The following ZNF335 variants were observed in gnomAD, a reference collection of about 807,000 sequenced individuals.
The protein encoded by ZNF335 is zinc finger protein 335, also known as NRC-interacting factor 1.
Under a neutral mutation model 145.6 loss-of-function variants are expected in ZNF335, and 84 were observed. The observed-to-expected ratio is 0.58, with a 90% confidence interval of 0.48 to 0.69. The LOEUF (loss-of-function observed/expected upper bound fraction) is 0.69. Ranked by LOEUF, ZNF335 falls within the 30% of genes least tolerant of loss-of-function variation. The pLI is 0.00. For synonymous variants in ZNF335, 761 were observed against 717.0 expected (o/e 1.06, Z -0.98); for missense variants, 1,865 against 1,809.7 (o/e 1.03, Z -0.55).
chr20:45,959,945 T>G (rs1229773392), intron 14 of ZNF335, among the ~76,000 whole-genome samples: 3 of 152,216 alleles, frequency 2.0e-5, no homozygotes, highest in Admixed American at 1.3e-4. Flanking sequence ...GGCACTCTGA[T>G]TCCCCCATTT....
Position 45,957,945 on chromosome 20 carries a change from T to C in ZNF335, c.2254-17A>G, listed in dbSNP as rs889861345. ...TGGGGGTATCTATGGGGTGGAGATA[T>C]GGCCACGCCTGAGAGGGGCCAGCCC... is the stretch of plus-strand genomic sequence containing the variant. On this transcript the variant is annotated splice_polypyrimidine_tract_variant and intron_variant, in intron 15 of 27. Transcript: ENST00000322927. 3 of 1,610,598 alleles carry C rather than the reference T, an allele frequency of 1.9e-6. No individual in the cohort carries two copies. The highest frequency in any genetic ancestry group is 2.2e-5 in the East Asian group (1 of 44,882).
chr20:45,961,739 G>A (rs937525312), intron 10 of ZNF335: 1 of 233,514 alleles, frequency 4.3e-6, no homozygotes. Flanking sequence ...AGATGAGTAG[G>A]ATCTGGAGTC....
At chr20:45,964,019 A>G in intron 7 of ZNF335, 29 bp from the exon 8 acceptor site, 1 of 1,512,822 alleles carries the variant, frequency 6.6e-7, no homozygotes, top group Non-Finnish European at 8.8e-7. Flanking sequence ...GTCACAAGCC[A>G]GCCACTGACA....
In ZNF335 at chr20:45,967,907, C is replaced by G. The variant is rs1482803843; in HGVS notation, c.641G>C (p.Ser214Thr). 4.3e-6 allele frequency: 7 copies of G among 1,612,516 alleles called. No homozygotes were observed. In the South Asian group the frequency reaches 5.5e-5, roughly 13 times the overall value. The change falls in exon 5 of 28, where the codon AGC (serine) becomes ACC (threonine). Residue 214 changes from serine to threonine, a missense_variant. Ser to Thr is a moderately conservative substitution (Grantham distance 58). Coordinates refer to ENST00000322927, the MANE Select transcript of ZNF335 (RefSeq NM_022095.4). ...GGCTGGGGGCAGCTGCACCGGGGAG[C>G]TGGGCCCACCCTGTGCCTCCAGGCA... ...STCLEAQGGPSSPVQLPPASG... is the reference protein window; with the variant it reads ...STCLEAQGGPTSPVQLPPASG...
At chr20:45,960,421 G>A (rs377643713) in intron 13 of ZNF335, 28 bp downstream of exon 13, 95 of 1,614,122 alleles carry the variant, frequency 5.9e-5, no homozygotes, top group African/African-American at 6.7e-5. Context: ...GACTGCTCCC[G>A]TCCCCAGGGG....
intron 9 of ZNF335, among the ~76,000 whole-genome samples, chr20:45,962,408 T>C (rs1175630216): frequency 6.6e-6 from 1 of 152,140 alleles, no homozygotes; most frequent in Non-Finnish European, 1.5e-5. Flanking sequence ...GCTCACAACT[T>C]GACAAAGAAG....
intron 10 of ZNF335, chr20:45,961,481 C>T (rs1392663747): frequency 7.0e-6 from 1 of 143,764 alleles, no homozygotes; most frequent in African/African-American, 2.7e-5. Context: ...TACTTAGCCA[C>T]AGAACCTTTT....
chr20:45,956,657 G>A (rs1193646613), intron 17 of ZNF335, among the ~76,000 whole-genome samples: 1 of 151,896 alleles, frequency 6.6e-6, no homozygotes, highest in Non-Finnish European at 1.5e-5. Context: ...ACATATTTGG[G>A]AATCTAGTAT....
Position 45,950,042 on chromosome 20 carries a change from A to AGGACCCC in ZNF335, c.3508_3514dup (p.Leu1172ArgfsTer77), listed in dbSNP as rs2083600721. ...TGCCTGCTGTAGCCGCTCTGGGCCCAGGACCCCGTGACTGGACTGGAGTGC... is the reference window on the plus strand; with the variant it reads ...TGCCTGCTGTAGCCGCTCTGGGCCCAGGACCCCGGACCCCGTGACTGGACTGGAGTGC... On this transcript the variant is annotated frameshift_variant, in exon 23 of 28. Transcript: ENST00000322927. LOFTEE classifies it high-confidence loss of function. The AGGACCCC allele has an allele frequency of 1.2e-6, 2 of 1,613,860 alleles. No homozygotes were observed. Among genetic ancestry groups the AGGACCCC allele is most frequent in the African/African-American group, 2.7e-5 (2 of 74,910 alleles).
intron 10 of ZNF335, chr20:45,961,469 C>T (rs1600536470): frequency 6.8e-6 from 1 of 147,716 alleles, no homozygotes; most frequent in Middle Eastern, 3.5e-3. Context: ...CTACACTAAT[C>T]TTACTTAGCC....
chr20:45,949,056 T>G lies in ZNF335; in HGVS notation c.3926A>C (p.Gln1309Pro). The G allele has an allele frequency of 6.2e-7, 1 of 1,613,750 alleles. No homozygotes were observed. Among genetic ancestry groups the G allele is most frequent in the South Asian group, 1.1e-5 (1 of 91,074 alleles). ...VTAVADAAMA[Q>P]AQGLFGTDET... ...GTCTGTACCAAACAGGCCCTGGGCT[T>G]GGGCCATGGCAGCATCAGCCACTGC... is the stretch of plus-strand genomic sequence containing the variant. The change falls in exon 28 of 28, where the codon CAA (glutamine) becomes CCA (proline). Residue 1309 changes from glutamine to proline, a missense_variant. Physicochemically the swap from Gln to Pro is moderately conservative, Grantham distance 76. Coordinates refer to ENST00000322927, the MANE Select transcript of ZNF335 (RefSeq NM_022095.4).
At chr20:45,968,096 C>A (rs1189964092) in intron 4 of ZNF335, 69 bp from the exon 5 acceptor site, 1 of 1,592,082 alleles carries the variant, frequency 6.3e-7, no homozygotes, top group African/African-American at 1.3e-5. Flanking sequence ...CTATAGCTAC[C>A]CCTCCCAGGC....
At chr20:45,962,798 AC>A (rs2083868708) in intron 9 of ZNF335, among the ~76,000 whole-genome samples, 1 of 141,922 alleles carries the variant, frequency 7.0e-6, no homozygotes, top group Non-Finnish European at 1.5e-5. Context: ...AGAAAAAGGA[AC>A]CGTTTTTTTT....
At chr20:45,956,678 C>T (rs2083734569) in intron 17 of ZNF335, among the ~76,000 whole-genome samples, 1 of 151,560 alleles carries the variant, frequency 6.6e-6, no homozygotes, top group South Asian at 2.1e-4. Context: ...ATGAGGAGGA[C>T]ACTTCAAACC....
chr20:45,970,967 G>A (rs1346072528), intron 2 of ZNF335, among the ~76,000 whole-genome samples: 1 of 152,074 alleles, frequency 6.6e-6, no homozygotes, highest in Non-Finnish European at 1.5e-5. Context: ...TTGAATCCTG[G>A]CTCTGTCTGC....
intron 3 of ZNF335, 133 bp downstream of exon 3, chr20:45,969,318 C>G: frequency 2.6e-6 from 3 of 1,162,036 alleles, no homozygotes; most frequent in Non-Finnish European, 3.3e-6. Flanking sequence ...CACCATGAGA[C>G]AGGGGTGACT....
intron 1 of ZNF335, chr20:45,971,705 G>T: frequency 1.0e-6 from 1 of 985,432 alleles, no homozygotes; most frequent in Non-Finnish European, 1.2e-6. Flanking sequence ...CCTTTCCCTC[G>T]CCCCCACGAT....
In ZNF335 at chr20:45,963,946, G is replaced by A; in HGVS notation, c.1147C>T (p.Pro383Ser). Residue 383 changes from proline (P) to serine (S), a missense_variant, in exon 8 of 28, where the codon CCT (proline) becomes TCT (serine). Physicochemically the swap from Pro to Ser is moderately conservative, Grantham distance 74. Coordinates refer to ENST00000322927, the MANE Select transcript of ZNF335 (RefSeq NM_022095.4). ...PLVSSQSGQS[P>S]PEPQDPEAPS... ...GCCTCGGGATCCTGTGGCTCTGGAG[G>A]GCTCTGTCCACTCTGGGAACTCACT... 3.2e-6 allele frequency: 5 copies of A among 1,544,248 alleles called. No homozygotes were observed. Among genetic ancestry groups the A allele is most frequent in the Non-Finnish European group, 3.5e-6 (4 of 1,146,896 alleles).
Position 45,952,361 on chromosome 20 carries a change from G to A in ZNF335, c.2975C>T (p.Ser992Leu), listed in dbSNP as rs776014371. 8.7e-6 allele frequency: 14 copies of A among 1,611,660 alleles called. No individual in the cohort carries two copies. The highest frequency in any genetic ancestry group is 2.7e-5 in the African/African-American group (2 of 74,938). The change falls in exon 20 of 28, where the codon TCA becomes TTA. Residue 992 changes from serine to leucine, a missense_variant. Physicochemically the swap from Ser to Leu is moderately radical, Grantham distance 145. Transcript: ENST00000322927. ...CAGGGCTTTGCTGGTTGCAGGAGGT[G>A]AGGAGGCAGAGCTCTGGGAGTCCCC... ...CVGDSQSSAS[S>L]PPATSKALGL...
Sources: allele counts gnomAD v4.1 joint callset (sites outside exome capture counted in the v4.1 genomes callset), GRCh38; gene constraint gnomAD v4.1.1; transcripts MANE v1.5; gene names NCBI Gene and HGNC (gene_info 2026-07-23, HGNC 2026-07-21).